CHDH: variants seen among roughly 807,000 people sequenced by gnomAD.
The protein encoded by CHDH is choline dehydrogenase, mitochondrial.
A neutral mutation model predicts 56.9 loss-of-function variants in CHDH; 43 were observed. The ratio of observed to expected loss-of-function variants is 0.76; its 90% confidence interval spans 0.59 to 0.97. The LOEUF is 0.97. Ranked by LOEUF, CHDH falls within the 50% of genes least tolerant of loss-of-function variation. The pLI, the probability that CHDH is intolerant of heterozygous loss-of-function variation, is 0.00. For missense variants in CHDH, 816 were observed against 821.1 expected (o/e 0.99, Z 0.08); for synonymous variants, 364 against 348.5 (o/e 1.04, Z -0.50).
Position 53,819,701 on chromosome 3 carries a change from AAG to A in CHDH, c.1121-29_1121-28del. ...TGAGAAGCAGAAGAGGATGAGGCAG[AAG>A]AGCCAGTCAGGCCGTGGCAGGTGGG... On this transcript the variant is annotated intron_variant, in intron 6 of 8. Transcript: ENST00000315251. This position sits in a 1 kb window ranked among gnomAD's most constrained non-coding sequence, Gnocchi z 5.4. The A allele has an allele frequency of 6.4e-7, 1 of 1,558,006 alleles. No homozygotes were observed. The highest frequency in any genetic ancestry group is 2.3e-5 in the East Asian group (1 of 43,100).
At chr3:53,845,666 C>T (rs1247598435) in intron 1 of CHDH, among the ~76,000 whole-genome samples, 2 of 152,094 alleles carry the variant, frequency 1.3e-5, no homozygotes, top group African/African-American at 4.8e-5. Flanking sequence ...GGGCCTGACC[C>T]GGACCTGCCG....
At chr3:53,824,994 G>A (rs958442272) in intron 2 of CHDH, among the ~76,000 whole-genome samples, 6 of 152,064 alleles carry the variant, frequency 3.9e-5, no homozygotes, top group African/African-American at 9.7e-5. Context: ...TCCTCCTCCC[G>A]TCCACCGTTG....
In CHDH at chr3:53,816,253, G is replaced by GCAA. The variant is rs970375936; in HGVS notation, c.*1521_*1523dup. On this transcript the variant is annotated 3_prime_UTR_variant, in exon 9 of 9. Transcript: ENST00000315251. ...GCCTAGTATAGCTGCAGGTTTCCACGCAACAATGCTTTTCTTCCCAGCCCT... is the reference window on the plus strand; with the variant it reads ...GCCTAGTATAGCTGCAGGTTTCCACGCAACAACAATGCTTTTCTTCCCAGCCCT... 1 of 150,274 alleles carries GCAA rather than the reference G, an allele frequency of 6.7e-6. No homozygotes were observed. The highest frequency in any genetic ancestry group is 1.5e-5 in the Non-Finnish European group (1 of 67,846). The allele number at this position is 150,274 out of a possible 1,614,324, so 9.3% of individuals were successfully genotyped here.
intron 1 of CHDH, among the ~76,000 whole-genome samples, chr3:53,845,559 C>CT (rs1397169562): frequency 3.3e-5 from 5 of 152,156 alleles, no homozygotes; most frequent in Non-Finnish European, 5.9e-5. Context: ...TTTTTGTGAA[C>CT]TTTCCCCCAA....
rs771962212 is a variant in CHDH, at chr3:53,822,471, C to T, written c.855+20G>A. ...ACTGCCCACCCCCTTCTTCCAGGACCCCAGCTGCAGTCCACTCACCCTGTG... is the reference window on the plus strand; with the variant it reads ...ACTGCCCACCCCCTTCTTCCAGGACTCCAGCTGCAGTCCACTCACCCTGTG... On this transcript the variant is annotated intron_variant, in intron 4 of 8. Coordinates refer to ENST00000315251, the MANE Select transcript of CHDH (RefSeq NM_018397.5). 10 of 1,596,216 alleles carry T rather than the reference C, an allele frequency of 6.3e-6. No individual in the cohort carries two copies. Among genetic ancestry groups the T allele is most frequent in the South Asian group, 2.2e-5 (2 of 89,620 alleles).
At chr3:53,828,536 A>G (rs1366199453) in intron 2 of CHDH, among the ~76,000 whole-genome samples, 2 of 152,222 alleles carry the variant, frequency 1.3e-5, no homozygotes, top group African/African-American at 2.4e-5. Flanking sequence ...ACACAAATAA[A>G]TATATTCTTA....
intron 1 of CHDH, among the ~76,000 whole-genome samples, chr3:53,842,649 C>T (rs143136758): frequency 5.3e-5 from 8 of 152,304 alleles, no homozygotes; most frequent in East Asian, 3.9e-4. Context: ...GTGGGATTAA[C>T]GCTGAGTTAA....
intron 1 of CHDH, among the ~76,000 whole-genome samples, chr3:53,843,191 T>A (rs1698733793): frequency 6.8e-6 from 1 of 146,620 alleles, no homozygotes; most frequent in Non-Finnish European, 1.5e-5. Context: ...CCCCCACCTT[T>A]TTTTTTTTTT....
chr3:53,817,718 G>A lies in CHDH; in HGVS notation c.*59C>T, dbSNP rs930144488. 4.4e-5 allele frequency: 64 copies of A among 1,451,972 alleles called. No individual in the cohort carries two copies. In the African/African-American group the frequency reaches 8.6e-4, roughly 20 times the overall value. The allele number at this position is 1,451,972 out of a possible 1,614,324, so 89.9% of individuals were successfully genotyped here. On this transcript the variant is annotated 3_prime_UTR_variant, in exon 9 of 9. Coordinates refer to ENST00000315251, the MANE Select transcript of CHDH (RefSeq NM_018397.5). ...AGGCAGGAGCCTGGGAGCAAGGGCT[G>A]TGCTGGCCCTCTTGGCTTATCAGGG...
chr3:53,822,441 G>A lies in CHDH; in HGVS notation c.855+50C>T, dbSNP rs146541173. 1,049 of 1,551,234 alleles carry A rather than the reference G, an allele frequency of 6.8e-4. 15 individuals are homozygous for A. In the African/African-American group the frequency reaches 0.013, roughly 19 times the overall value. On this transcript the variant is annotated intron_variant, in intron 4 of 8. Transcript: ENST00000315251. The stretch of plus-strand genomic sequence containing the variant: ...CTGCCCACTCTGAGCTGGACCACCA[G>A]GGTCACTGCCCACCCCCTTCTTCCA...
chr3:53,828,227 C>T (rs1173105050), intron 2 of CHDH, among the ~76,000 whole-genome samples: 1 of 150,464 alleles, frequency 6.6e-6, no homozygotes, highest in African/African-American at 2.5e-5. Flanking sequence ...GACCTTATAC[C>T]CTGCACAAAA....
intron 2 of CHDH, among the ~76,000 whole-genome samples, chr3:53,827,906 G>C (rs2095641808): frequency 6.6e-6 from 1 of 152,072 alleles, no homozygotes; most frequent in South Asian, 2.1e-4. Flanking sequence ...TATATGGAGA[G>C]GCAAAAGACA....
intron 2 of CHDH, 70 bp from the exon 3 acceptor site, chr3:53,824,137 C>T (rs2276838): frequency 0.5 from 447,684 of 889,932 alleles, 118,026 homozygotes; most frequent in South Asian, 0.59. Context: ...AACGGCCTGC[C>T]GGGACAGGGT....
chr3:53,830,944 G>C (rs1356020846), intron 2 of CHDH, among the ~76,000 whole-genome samples: 1 of 152,152 alleles, frequency 6.6e-6, no homozygotes, highest in Non-Finnish European at 1.5e-5. Context: ...CCACAGTGGA[G>C]GAGAGCACCA....
intron 2 of CHDH, among the ~76,000 whole-genome samples, chr3:53,837,628 TG>T (rs1698538643): frequency 6.6e-6 from 1 of 152,172 alleles, no homozygotes; most frequent in Non-Finnish European, 1.5e-5. Context: ...GCTGCCCCAC[TG>T]TGGGTGCTTC....
At position 53,823,376 on chromosome 3, in the gene CHDH, G is replaced by A. The variant is rs778796498; in HGVS notation, c.633C>T (p.Tyr211=). 6.2e-7 allele frequency: 1 copy of A among 1,605,860 alleles called. No individual in the cohort carries two copies. The part of the protein sequence containing the change: ...AFLEATQQAG[Y]PLTEDMNGFQ... ...AGCCATTCATGTCCTCGGTGAGCGG[G>A]TAGCCGGCCTGCTGCGTGGCCTCCA... Residue 211 remains tyrosine, a synonymous_variant, in exon 3 of 9, where the codon TAC becomes TAT. Transcript: ENST00000315251.
chr3:53,827,384 C>T (rs2095640923), intron 2 of CHDH, among the ~76,000 whole-genome samples: 1 of 152,166 alleles, frequency 6.6e-6, no homozygotes, highest in Admixed American at 6.5e-5. Flanking sequence ...TCCTGTAAAG[C>T]CTGTGGAACC....
rs909881813 is a variant in CHDH at position 53,823,585 on chromosome 3, C to G, written c.424G>C (p.Gly142Arg). ...SSLNAMVYVR[G>R]HAEDYERWQR... is the part of the protein sequence containing the mutation. ...CAGCGCTCGTAGTCCTCGGCGTGCC[C>G]ACGGACGTAGACCATGGCATTGAGG... Residue 142 changes from glycine (G) to arginine (R), a missense_variant, in exon 3 of 9, where the codon GGG (glycine) becomes CGG (arginine). Gly to Arg is a moderately radical substitution (Grantham distance 125). Coordinates refer to ENST00000315251, the MANE Select transcript of CHDH (RefSeq NM_018397.5). The G allele has an allele frequency of 1.3e-6, 2 of 1,543,686 alleles. No homozygotes were observed. Among genetic ancestry groups the G allele is most frequent in the Non-Finnish European group, 1.7e-6 (2 of 1,146,334 alleles).
Position 53,819,466 on chromosome 3 carries a change from G to T in CHDH, c.1263+66C>A. The T allele has an allele frequency of 6.5e-7, 1 of 1,544,398 alleles. No individual in the cohort carries two copies. Among genetic ancestry groups the T allele is most frequent in the Non-Finnish European group, 8.7e-7 (1 of 1,143,192 alleles). On this transcript the variant is annotated intron_variant, in intron 7 of 8. Transcript: ENST00000315251. The surrounding 1 kb of genome is among the most constrained non-coding windows in gnomAD (Gnocchi z 5.4). ...CAGGGAGAATGCTGCCTTGGAAGAT[G>T]GGAGCATCTTCCTTCCTGGTGGGAA...
Sources: gnomAD v4.1 joint callset for allele counts (sites outside exome capture counted in the v4.1 genomes callset) on GRCh38, gnomAD v4.1.1 for gene constraint, Gnocchi (gnomAD v3.1) non-coding constraint, MANE v1.5 for transcripts, NCBI Gene and HGNC (gene_info 2026-07-23, HGNC 2026-07-21) for gene names.